The following THRB variants were observed in gnomAD, a reference collection of about 807,000 sequenced individuals.
THRB encodes nuclear receptor subfamily 1 group A member 2.
In THRB, 12 loss-of-function variants were observed where a neutral mutation model predicts 47.8. That is an observed-to-expected ratio of 0.25 (90% CI 0.16 to 0.41). The LOEUF is 0.41. Ranked by LOEUF, THRB falls within the 10% of genes least tolerant of loss-of-function variation. The pLI, the probability that THRB is intolerant of heterozygous loss-of-function variation, is 1.00. For missense variants in THRB, 348 were observed against 589.2 expected, an observed-to-expected ratio of 0.59 and a Z score of 4.24; for synonymous variants, 218 against 212.2, an observed-to-expected ratio of 1.03 and a Z score of -0.24.
At chr3:24,383,610 G>T (rs966917267) in intron 1 of THRB, among the ~76,000 whole-genome samples, 13 of 152,000 alleles carry the variant, frequency 8.6e-5, no homozygotes, top group African/African-American at 2.9e-4. Flanking sequence ...CCTGTCACTA[G>T]GACTATAATC....
At chr3:24,268,232 CT>C (rs2052865972) in intron 3 of THRB, among the ~76,000 whole-genome samples, 1 of 151,962 alleles carries the variant, frequency 6.6e-6, no homozygotes, top group African/African-American at 2.4e-5. Context: ...AACAAAAAAA[CT>C]GGAGAGTGAA....
intron 1 of THRB, among the ~76,000 whole-genome samples, chr3:24,412,738 C>G (rs13323817): frequency 0.11 from 16,871 of 151,728 alleles, 2,003 homozygotes; most frequent in African/African-American, 0.3. Flanking sequence ...CAAGAGCAAA[C>G]CACCAACTCA....
chr3:24,456,094 C>G (rs62228828), intron 1 of THRB, among the ~76,000 whole-genome samples: 6,622 of 152,042 alleles, frequency 0.044, 160 homozygotes, highest in South Asian at 0.061. Context: ...TTTGGGAGGC[C>G]AAGGCAGGAG....
At chr3:24,188,021 C>A (rs1487560204) in intron 5 of THRB, among the ~76,000 whole-genome samples, 3 of 152,170 alleles carry the variant, frequency 2.0e-5, no homozygotes, top group African/African-American at 4.8e-5. Context: ...ATATTAGGAT[C>A]TTGAGGAAGG....
intron 5 of THRB, among the ~76,000 whole-genome samples, chr3:24,180,204 A>G (rs1319715778): frequency 6.6e-6 from 1 of 152,214 alleles, no homozygotes; most frequent in East Asian, 1.9e-4. Context: ...AAAGAGCTGA[A>G]TACATATCTT....
At chr3:24,328,822 A>T (rs544265731) in intron 2 of THRB, among the ~76,000 whole-genome samples, 1 of 152,142 alleles carries the variant, frequency 6.6e-6, no homozygotes, top group Non-Finnish European at 1.5e-5. Flanking sequence ...TGGATCAAAC[A>T]ATTACTTTGT....
chr3:24,424,365 T>C (rs188768196), intron 1 of THRB, among the ~76,000 whole-genome samples: 6 of 151,788 alleles, frequency 4.0e-5, no homozygotes, highest in African/African-American at 1.4e-4. Flanking sequence ...CAAGCATCAA[T>C]AGTTTTATAA....
chr3:24,280,738 T>C (rs1279876351), intron 3 of THRB, among the ~76,000 whole-genome samples: 3 of 151,664 alleles, frequency 2.0e-5, no homozygotes, highest in African/African-American at 7.3e-5. Context: ...AGAGAAGTGC[T>C]TAAAGGAGCT....
At chr3:24,226,936 C>G (rs2047712711) in intron 4 of THRB, among the ~76,000 whole-genome samples, 1 of 152,106 alleles carries the variant, frequency 6.6e-6, no homozygotes, top group African/African-American at 2.4e-5. Context: ...TATTCACTGG[C>G]CCTTTACAAC....
intron 3 of THRB, among the ~76,000 whole-genome samples, chr3:24,288,132 T>A (rs773754640): frequency 6.6e-6 from 1 of 152,200 alleles, no homozygotes; most frequent in African/African-American, 2.4e-5. Context: ...GAAGGCAAGT[T>A]TTCTACCAAG....
intron 4 of THRB, among the ~76,000 whole-genome samples, chr3:24,199,427 C>T (rs924474584): frequency 5.3e-5 from 8 of 152,298 alleles, no homozygotes; most frequent in South Asian, 2.1e-4. Flanking sequence ...TTTCTGTCCC[C>T]GTGTGCAAGT....
intron 8 of THRB, among the ~76,000 whole-genome samples, chr3:24,137,671 G>T (rs1189801671): frequency 2.0e-5 from 3 of 152,158 alleles, no homozygotes; most frequent in African/African-American, 7.2e-5. Context: ...AGGGGGATCC[G>T]TGATGCTAGG....
intron 1 of THRB, among the ~76,000 whole-genome samples, chr3:24,425,359 C>T (rs961728196): frequency 3.3e-5 from 5 of 151,692 alleles, no homozygotes; most frequent in Middle Eastern, 3.2e-3. Flanking sequence ...AATCTTTTTG[C>T]CATTGTGTTT....
rs1024012322 is a variant in THRB at position 24,122,574 on chromosome 3, G to A, written c.*310C>T. The A allele has an allele frequency of 3.3e-5, 14 of 421,730 alleles. No homozygotes were observed. Among genetic ancestry groups the A allele is most frequent in the Non-Finnish European group, 5.8e-5 (13 of 225,172 alleles). 26.1% of individuals were successfully genotyped at this position (421,730 alleles called of 1,614,324 possible). On this transcript the variant is annotated 3_prime_UTR_variant, in exon 11 of 11. Transcript: ENST00000646209. ...CTGTGGCGCCATTTTGCTGACTCAA[G>A]TCTTGGACCAGGGACGGGTGGGAGC...
intron 1 of THRB, among the ~76,000 whole-genome samples, chr3:24,358,328 T>TGG (rs1560013082): frequency 6.6e-6 from 1 of 152,172 alleles, no homozygotes. Context: ...TTGTAGCTTT[T>TGG]GGGTTTTGTG....
At chr3:24,468,769 T>C (rs895773925) in intron 1 of THRB, among the ~76,000 whole-genome samples, 1 of 152,186 alleles carries the variant, frequency 6.6e-6, no homozygotes, top group Non-Finnish European at 1.5e-5. Flanking sequence ...TTTAAACATT[T>C]TAAATGTTGT....
chr3:24,454,460 A>G (rs1415103544), intron 1 of THRB, among the ~76,000 whole-genome samples: 2 of 152,218 alleles, frequency 1.3e-5, no homozygotes, highest in Non-Finnish European at 2.9e-5. Flanking sequence ...AACTGAGAAT[A>G]TACTAAAAAT....
chr3:24,375,644 A>G (rs1368009474), intron 1 of THRB, among the ~76,000 whole-genome samples: 1 of 151,032 alleles, frequency 6.6e-6, no homozygotes, highest in Non-Finnish European at 1.5e-5. Context: ...ATTTTCTTAG[A>G]CCCCCCCAGA....
At chr3:24,177,417 A>G (rs940149104) in intron 5 of THRB, among the ~76,000 whole-genome samples, 1 of 152,170 alleles carries the variant, frequency 6.6e-6, no homozygotes, top group Non-Finnish European at 1.5e-5. Context: ...TTAACTTTTT[A>G]TTCTCAGCAT....
Sources: allele counts gnomAD v4.1 joint callset (sites outside exome capture counted in the v4.1 genomes callset), GRCh38; gene constraint gnomAD v4.1.1; transcripts MANE v1.5; gene names NCBI Gene and HGNC (gene_info 2026-07-23, HGNC 2026-07-21).